Variants in LIMS1 observed in about 807,000 individuals in gnomAD.
LIMS1 encodes the protein LIM zinc finger domain containing 1.
In LIMS1, 18 loss-of-function variants were observed where a neutral mutation model predicts 44.1. That is an observed-to-expected ratio of 0.41 (90% CI 0.28 to 0.61). The LOEUF is 0.61. Ranked by LOEUF, LIMS1 falls within the 20% of genes least tolerant of loss-of-function variation. The pLI, the probability that LIMS1 is intolerant of heterozygous loss-of-function variation, is 0.32. For missense variants in LIMS1, 201 were observed against 422.0 expected (o/e 0.48, Z 4.59); for synonymous variants, 93 against 149.1 (o/e 0.62, Z 2.74).
intron 1 of LIMS1, among the ~76,000 whole-genome samples, chr2:108,590,156 T>C (rs1258395360): frequency 6.6e-6 from 1 of 152,244 alleles, no homozygotes; most frequent in African/African-American, 2.4e-5. Flanking sequence ...TGCAAAAGCA[T>C]TGATTTTACA....
chr2:108,629,443 G>A (rs1163977378), intron 1 of LIMS1, among the ~76,000 whole-genome samples: 5 of 152,294 alleles, frequency 3.3e-5, no homozygotes, highest in Admixed American at 3.3e-4. Flanking sequence ...ATAGCTAGAG[G>A]TTGGATTATT....
intron 1 of LIMS1, among the ~76,000 whole-genome samples, chr2:108,597,902 A>G (rs569986808): frequency 6.6e-6 from 1 of 151,762 alleles, no homozygotes; most frequent in Non-Finnish European, 1.5e-5. Context: ...CTATGTTGGC[A>G]AGGCTGGTCT....
At chr2:108,583,012 A>T (rs993370797) in intron 1 of LIMS1, among the ~76,000 whole-genome samples, 3 of 151,942 alleles carry the variant, frequency 2.0e-5, no homozygotes, top group Non-Finnish European at 2.9e-5. Flanking sequence ...AGAATATATT[A>T]AAAAGGGGTG....
At chr2:108,623,928 A>G (rs1688412382) in intron 1 of LIMS1, among the ~76,000 whole-genome samples, 1 of 152,286 alleles carries the variant, frequency 6.6e-6, no homozygotes, top group Non-Finnish European at 1.5e-5. Flanking sequence ...GCACTGTAAT[A>G]CACATGAAAA....
At chr2:108,585,902 T>C (rs1686080811) in intron 1 of LIMS1, among the ~76,000 whole-genome samples, 1 of 152,002 alleles carries the variant, frequency 6.6e-6, no homozygotes, top group Admixed American at 6.6e-5. Context: ...TTTTAGAAAA[T>C]GGTGTCTGAG....
At chr2:108,595,938 A>G (rs1686659382) in intron 1 of LIMS1, among the ~76,000 whole-genome samples, 1 of 152,196 alleles carries the variant, frequency 6.6e-6, no homozygotes, top group Admixed American at 6.5e-5. Context: ...TAGAGGCTTG[A>G]GGAGAACCTG....
intron 1 of LIMS1, among the ~76,000 whole-genome samples, chr2:108,567,689 A>C (rs1259737523): frequency 6.6e-6 from 1 of 152,102 alleles, no homozygotes; most frequent in Non-Finnish European, 1.5e-5. Flanking sequence ...CTCCTGCTTC[A>C]GCCTCCCAAG....
chr2:108,601,078 G>A (rs1686990487), intron 1 of LIMS1, among the ~76,000 whole-genome samples: 2 of 152,058 alleles, frequency 1.3e-5, no homozygotes, highest in African/African-American at 4.8e-5. Context: ...GGGATTACAG[G>A]CACCCGCCAC....
chr2:108,608,951 G>A (rs1357229205), intron 1 of LIMS1, among the ~76,000 whole-genome samples: 1 of 152,190 alleles, frequency 6.6e-6, no homozygotes, highest in African/African-American at 2.4e-5. Flanking sequence ...TGCAGACTCA[G>A]GGCAGGACTA....
At position 108,674,538 on chromosome 2, in the gene LIMS1, T is replaced by C. The variant is rs1692380468; in HGVS notation, c.531-1340T>C. ...GAGATCGAGACCATCCTGGCTAACA[T>C]GGTGAAACCCCATCTCTACTAAGAA... On this transcript the variant is annotated intron_variant, in intron 5 of 9. Transcript: ENST00000544547. 2.7e-5 allele frequency among the ~76,000 whole-genome samples: 4 copies of C among 150,904 alleles called. No homozygotes were observed. The South Asian group carries it at 6.3e-4, about 24-fold the overall frequency.
At chr2:108,675,630 G>A (rs954509886) in intron 5 of LIMS1, among the ~76,000 whole-genome samples, 4 of 152,094 alleles carry the variant, frequency 2.6e-5, no homozygotes, top group Admixed American at 6.6e-5. Flanking sequence ...GAATATGACT[G>A]GTGTGGTGGT....
intron 9 of LIMS1, among the ~76,000 whole-genome samples, chr2:108,682,372 T>C (rs905102472): frequency 1.3e-5 from 2 of 151,998 alleles, no homozygotes; most frequent in African/African-American, 4.8e-5. Context: ...TGGTGGCGGG[T>C]GCCTGTAATC....
chr2:108,552,319 CTATA>C (rs374127866), intron 1 of LIMS1, among the ~76,000 whole-genome samples: 24 of 129,530 alleles, frequency 1.9e-4, no homozygotes, highest in African/African-American at 2.5e-4. Flanking sequence ...ATATATGAAA[CTATA>C]TATATACTAT....
At chr2:108,624,629 C>T (rs1439796668) in intron 1 of LIMS1, among the ~76,000 whole-genome samples, 2 of 152,082 alleles carry the variant, frequency 1.3e-5, no homozygotes, top group Non-Finnish European at 2.9e-5. Context: ...TGGTGGCAAG[C>T]GCCTGTAGTC....
chr2:108,686,358 A>C (rs1693304837), exon 10 of LIMS1: 1 of 152,042 alleles, frequency 6.6e-6, no homozygotes, highest in East Asian at 1.9e-4. Context: ...AGTATTTTCT[A>C]GAAATTCAAC....
At chr2:108,622,916 C>T (rs749666682) in intron 1 of LIMS1, among the ~76,000 whole-genome samples, 4 of 150,454 alleles carry the variant, frequency 2.7e-5, no homozygotes, top group African/African-American at 7.3e-5. Flanking sequence ...AGTAAAATAA[C>T]GTATATGCCA....
intron 1 of LIMS1, among the ~76,000 whole-genome samples, chr2:108,588,848 T>G (rs918424964): frequency 6.6e-6 from 1 of 152,228 alleles, no homozygotes; most frequent in African/African-American, 2.4e-5. Flanking sequence ...TTGAAATATG[T>G]GAAAACTTTG....
rs146999438 is a variant in LIMS1 at position 108,573,981 on chromosome 2, C to T, written c.32+39387C>T. On this transcript the variant is annotated intron_variant, in intron 1 of 9. Coordinates refer to ENST00000544547, the Ensembl canonical transcript of LIMS1. ...GGGAATGGCTGATAATAAATGTATG[C>T]TTTATAGTCTTTACTCACTCTCCAT... Among the ~76,000 whole-genome samples the T allele has an allele frequency of 1.5e-4, 23 of 152,106 alleles. No homozygotes were observed. The East Asian group carries it at 4.4e-3, about 29-fold the overall frequency.
At chr2:108,618,464 T>C (rs1688048254) in intron 1 of LIMS1, among the ~76,000 whole-genome samples, 1 of 152,118 alleles carries the variant, frequency 6.6e-6, no homozygotes, top group Non-Finnish European at 1.5e-5. Flanking sequence ...TGTGCTGATG[T>C]GCTGCTGTCT....
Sources: allele counts gnomAD v4.1 joint callset (sites outside exome capture counted in the v4.1 genomes callset), GRCh38; gene constraint gnomAD v4.1.1; transcripts MANE v1.5; gene names NCBI Gene and HGNC (gene_info 2026-07-23, HGNC 2026-07-21).